The following HIBADH variants were observed in gnomAD, a reference collection of about 807,000 sequenced individuals.
HIBADH encodes the protein 3-hydroxyisobutyrate dehydrogenase, also known as 3-hydroxyisobutyrate dehydrogenase, mitochondrial.
Under a neutral mutation model 36.1 loss-of-function variants are expected in HIBADH, and 25 were observed. The ratio of observed to expected loss-of-function variants is 0.69; its 90% CI spans 0.50 to 0.97. The LOEUF is 0.97. Among genes scored for constraint, HIBADH ranks in the 50% least tolerant of loss-of-function variants. HIBADH has a pLI of 0.00. For synonymous variants in HIBADH, 160 were observed against 149.5 expected (o/e 1.07, Z -0.51); for missense variants, 421 against 418.0 (o/e 1.01, Z -0.06).
chr7:27,635,299 A>G (rs561758846), intron 2 of HIBADH, among the ~76,000 whole-genome samples: 18 of 152,320 alleles, frequency 1.2e-4, no homozygotes, highest in African/African-American at 4.1e-4. Context: ...CCAGTCTGAC[A>G]TCAACTACAA....
At chr7:27,558,217 T>C (rs1784420224) in intron 4 of HIBADH, among the ~76,000 whole-genome samples, 1 of 152,248 alleles carries the variant, frequency 6.6e-6, no homozygotes, top group South Asian at 2.1e-4. Flanking sequence ...TTTCTTGTTG[T>C]TAACTAATTT....
chr7:27,652,273 A>G (rs534013352), intron 1 of HIBADH, among the ~76,000 whole-genome samples: 8 of 152,214 alleles, frequency 5.3e-5, no homozygotes, highest in Non-Finnish European at 8.8e-5. Context: ...ATTCTTCCTA[A>G]AGAATGCACA....
At chr7:27,639,679 C>T (rs549743971) in intron 2 of HIBADH, among the ~76,000 whole-genome samples, 2 of 152,022 alleles carry the variant, frequency 1.3e-5, no homozygotes, top group South Asian at 2.1e-4. Context: ...TTCTGCCCAA[C>T]TTATTTTAAT....
At chr7:27,634,482 A>G (rs1272385251) in intron 2 of HIBADH, among the ~76,000 whole-genome samples, 1 of 152,168 alleles carries the variant, frequency 6.6e-6, no homozygotes, top group African/African-American at 2.4e-5. Context: ...GAGCTCAGTG[A>G]AATAAGAAAA....
chr7:27,634,021 A>G (rs1278535231), intron 2 of HIBADH, among the ~76,000 whole-genome samples: 2 of 152,234 alleles, frequency 1.3e-5, no homozygotes, highest in Non-Finnish European at 2.9e-5. Context: ...AGCTAGAAGT[A>G]ATTACATTTC....
intron 4 of HIBADH, among the ~76,000 whole-genome samples, chr7:27,558,014 T>C (rs1473567839): frequency 6.6e-6 from 1 of 152,186 alleles, no homozygotes; most frequent in Non-Finnish European, 1.5e-5. Context: ...AACATTTTTT[T>C]CTAGAAAATC....
At chr7:27,564,449 G>C (rs1246164745) in intron 4 of HIBADH, among the ~76,000 whole-genome samples, 1 of 151,932 alleles carries the variant, frequency 6.6e-6, no homozygotes, top group East Asian at 1.9e-4. Flanking sequence ...TCCCTGAATT[G>C]CCTTTGCACA....
At chr7:27,618,143 TCA>T (rs1234364764) in intron 4 of HIBADH, among the ~76,000 whole-genome samples, 1 of 152,218 alleles carries the variant, frequency 6.6e-6, no homozygotes, top group Non-Finnish European at 1.5e-5. Flanking sequence ...GATCAAGCTC[TCA>T]CACAGAGCAT....
intron 4 of HIBADH, among the ~76,000 whole-genome samples, chr7:27,602,360 T>G (rs1043330417): frequency 6.6e-6 from 1 of 152,200 alleles, no homozygotes; most frequent in African/African-American, 2.4e-5. Flanking sequence ...TACTTATTGA[T>G]AAGGCTGTGT....
At position 27,618,841 on chromosome 7, in the gene HIBADH, G is replaced by A. The variant is rs1236616664; in HGVS notation, c.484+10530C>T. On this transcript the variant is annotated intron_variant, in intron 4 of 7. Transcript: ENST00000265395. ...TATTACATGGCCAGAGTGGGAGCAAGAGAGAAGGGGGAAGGTGCCACACAC... is the reference window on the plus strand; with the variant it reads ...TATTACATGGCCAGAGTGGGAGCAAAAGAGAAGGGGGAAGGTGCCACACAC... 2.0e-5 allele frequency among the ~76,000 whole-genome samples: 3 copies of A among 152,244 alleles called. No individual in the cohort carries two copies. The East Asian group carries it at 5.8e-4, about 29-fold the overall frequency.
intron 4 of HIBADH, among the ~76,000 whole-genome samples, chr7:27,580,101 A>G (rs953027256): frequency 1.3e-5 from 2 of 152,206 alleles, no homozygotes; most frequent in African/African-American, 4.8e-5. Flanking sequence ...ACGATTTTTC[A>G]TGAAACACAG....
intron 2 of HIBADH, among the ~76,000 whole-genome samples, chr7:27,640,697 A>C (rs562371380): frequency 1.1e-4 from 16 of 152,312 alleles, no homozygotes; most frequent in African/African-American, 3.6e-4. Flanking sequence ...GACAGTTGTT[A>C]GGCTATTTCA....
intron 4 of HIBADH, among the ~76,000 whole-genome samples, chr7:27,607,366 G>A (rs543760448): frequency 1.4e-4 from 21 of 152,136 alleles, no homozygotes; most frequent in South Asian, 6.3e-4. Flanking sequence ...AAAATTAGCC[G>A]GGCATGGTAG....
intron 4 of HIBADH, among the ~76,000 whole-genome samples, chr7:27,589,275 A>AT (rs1026242195): frequency 6.6e-6 from 1 of 152,110 alleles, no homozygotes; most frequent in Admixed American, 6.5e-5. Context: ...GAAAACCTTA[A>AT]TTTTTTTGTT....
rs1433441820 is a variant in HIBADH, at chr7:27,649,628, A to C, written c.97T>G (p.Ser33Ala). The C allele has an allele frequency of 6.2e-7, 1 of 1,600,884 alleles. No homozygotes were observed. Among genetic ancestry groups the C allele is most frequent in the Non-Finnish European group, 8.5e-7 (1 of 1,174,002 alleles). ...GGAGTCTTTGAAGCCACTGACCTAG[A>C]ACACACTGATTTCAATACATTATTT... ...PAAGSFAAVC[S>A]RSVASKTPVG... The change falls in exon 2 of 8, where the codon TCT becomes GCT. Residue 33 changes from serine (S) to alanine (A), a missense_variant. Ser to Ala is a moderately conservative substitution (Grantham distance 99). Coordinates refer to ENST00000265395, the MANE Select transcript of HIBADH (RefSeq NM_152740.4).
intron 4 of HIBADH, among the ~76,000 whole-genome samples, chr7:27,584,984 C>T (rs1175841407): frequency 6.6e-6 from 1 of 151,906 alleles, no homozygotes; most frequent in African/African-American, 2.4e-5. Flanking sequence ...GCTAAAAGTA[C>T]ATTCTTATAG....
chr7:27,589,560 C>G (rs1040091936), intron 4 of HIBADH, among the ~76,000 whole-genome samples: 15 of 152,210 alleles, frequency 9.9e-5, no homozygotes, highest in African/African-American at 3.1e-4. Context: ...GCCTATTTTA[C>G]AGATGTAGAA....
chr7:27,642,903 G>A (rs951481333), intron 2 of HIBADH, among the ~76,000 whole-genome samples: 4 of 151,980 alleles, frequency 2.6e-5, no homozygotes. Flanking sequence ...CGCCCACCTC[G>A]GCCTCCCAAA....
intron 2 of HIBADH, chr7:27,649,100 C>T (rs1786128814): frequency 1.3e-5 from 2 of 157,456 alleles, no homozygotes; most frequent in East Asian, 1.8e-4. Flanking sequence ...ATCTCTAAGC[C>T]TACTCTTGTT....
Sources: gnomAD v4.1 joint callset for allele counts (sites outside exome capture counted in the v4.1 genomes callset) on GRCh38, gnomAD v4.1.1 for gene constraint, MANE v1.5 for transcripts, NCBI Gene and HGNC (gene_info 2026-07-23, HGNC 2026-07-21) for gene names.